Variants in PRR5L observed in about 807,000 individuals in gnomAD.
The protein encoded by PRR5L is proline-rich protein 5-like.
A neutral mutation model predicts 36.4 loss-of-function variants in PRR5L; 21 were observed. That is an observed-to-expected ratio of 0.58 (90% CI 0.41 to 0.83). PRR5L has a LOEUF of 0.83. PRR5L is among the 40% of genes least tolerant of loss of function. PRR5L has a pLI of 0.00. For missense variants in PRR5L, 381 were observed against 473.3 expected (o/e 0.80, Z 1.81); for synonymous variants, 188 against 197.0 (o/e 0.95, Z 0.38).
chr11:36,378,150 T>G (rs954084955), intron 1 of PRR5L, among the ~76,000 whole-genome samples: 7 of 152,262 alleles, frequency 4.6e-5, no homozygotes, highest in South Asian at 2.1e-4. Context: ...TAAATTGCTC[T>G]GGGGTGGAAG....
In PRR5L at chr11:36,462,335, C is replaced by T; in HGVS notation, c.713-7C>T. The T allele has an allele frequency of 2.0e-6, 3 of 1,489,966 alleles. No individual in the cohort carries two copies. Among genetic ancestry groups the T allele is most frequent in the South Asian group, 1.4e-5 (1 of 70,668 alleles). The allele number at this position is 1,489,966 out of a possible 1,614,324, so 92.3% of individuals were successfully genotyped here. On this transcript the variant is annotated splice_region_variant and splice_polypyrimidine_tract_variant and intron_variant, in intron 8 of 8. Coordinates refer to ENST00000530639, the MANE Select transcript of PRR5L (RefSeq NM_001160167.2). ...AATAACAGTCTTTGCTGATTTTTCT[C>T]TTGCAGCCAGGCGGCACTCCAGGGT...
At chr11:36,309,757 A>G (rs1856478811) in intron 1 of PRR5L, among the ~76,000 whole-genome samples, 1 of 147,590 alleles carries the variant, frequency 6.8e-6, no homozygotes. Context: ...GCCACAATTA[A>G]AGATTTTGTA....
At chr11:36,427,415 C>G (rs1359388553) in intron 4 of PRR5L, among the ~76,000 whole-genome samples, 1 of 152,016 alleles carries the variant, frequency 6.6e-6, no homozygotes, top group Non-Finnish European at 1.5e-5. Flanking sequence ...TTGGTGCCAT[C>G]AGGCAAGGAG....
At position 36,463,663 on chromosome 11, in the gene PRR5L, A is replaced by T. The variant is rs1245456351; in HGVS notation, c.*927A>T. The T allele has an allele frequency of 6.6e-6, 1 of 152,522 alleles. No individual in the cohort carries two copies. The highest frequency in any genetic ancestry group is 1.5e-5 in the Non-Finnish European group (1 of 68,022). 9.4% of individuals were successfully genotyped at this position (152,522 alleles called of 1,614,324 possible). Reference sequence around the variant, plus strand: ...ATCGTTTAAAAAAAAAAATGTTTGCAAATTTTGCACATAGGATCTTGCACT... The same window carrying T: ...ATCGTTTAAAAAAAAAAATGTTTGCTAATTTTGCACATAGGATCTTGCACT... On this transcript the variant is annotated 3_prime_UTR_variant, in exon 9 of 9. Coordinates refer to ENST00000530639, the MANE Select transcript of PRR5L (RefSeq NM_001160167.2).
In PRR5L at chr11:36,462,562, C is replaced by A; in HGVS notation, c.933C>A (p.Gly311=). 6.2e-7 allele frequency: 1 copy of A among 1,612,570 alleles called. No individual in the cohort carries two copies. Among genetic ancestry groups the A allele is most frequent in the South Asian group, 1.1e-5 (1 of 90,884 alleles). The change falls in exon 9 of 9, where the codon GGC becomes GGA. Residue 311 remains glycine (G), a synonymous_variant. Transcript: ENST00000530639. ...CCATGGCCACCATGATGCACTCGGG[C>A]CTGGGGGAGGAGGCCAGCAGTGAGA... ...LLAMATMMHS[G]LGEEASSENK... is the part of the protein sequence containing the mutation.
rs1554989613 is a variant in PRR5L, at chr11:36,374,107, T to TTCCTTC, written c.-125-26890_-125-26889insTCCTTC. Among the ~76,000 whole-genome samples, 33 of 90,538 alleles carry TTCCTTC rather than the reference T, an allele frequency of 3.6e-4. 1 individual carries two copies. The highest frequency in any genetic ancestry group is 1.1e-3 in the East Asian group (3 of 2,614). The allele number at this position is 90,538 out of a possible 152,430, so 59.4% of individuals were successfully genotyped here. On this transcript the variant is annotated intron_variant, in intron 1 of 8. Transcript: ENST00000530639. ...CTTCCTTCCTTCCTTCCTTCCTTCC[T>TTCCTTC]CTCTCTCTCTCTCTCTTTCTTTCTT...
intron 4 of PRR5L, among the ~76,000 whole-genome samples, chr11:36,427,350 G>A (rs1423996181): frequency 6.6e-6 from 1 of 152,054 alleles, no homozygotes; most frequent in Non-Finnish European, 1.5e-5. Flanking sequence ...TTCCTGGGTG[G>A]TTACTATTTA....
chr11:36,429,696 G>C (rs1189040438), intron 4 of PRR5L, among the ~76,000 whole-genome samples: 2 of 152,162 alleles, frequency 1.3e-5, no homozygotes, highest in Admixed American at 6.5e-5. Context: ...TGACATTTAG[G>C]AGCCCATGCA....
At chr11:36,448,293 A>G (rs570191247) in intron 7 of PRR5L, among the ~76,000 whole-genome samples, 2 of 152,088 alleles carry the variant, frequency 1.3e-5, no homozygotes, top group Non-Finnish European at 2.9e-5. Flanking sequence ...TTTGCTCTCC[A>G]TGGGACGGCC....
At chr11:36,306,489 G>A (rs1005101844) in intron 1 of PRR5L, among the ~76,000 whole-genome samples, 2 of 152,108 alleles carry the variant, frequency 1.3e-5, no homozygotes, top group Non-Finnish European at 2.9e-5. Flanking sequence ...TGTCATTGAT[G>A]GACATTTGGG....
intron 1 of PRR5L, chr11:36,376,197 G>A (rs1857255676): frequency 7.7e-7 from 1 of 1,301,908 alleles, no homozygotes; most frequent in South Asian, 1.2e-5. Context: ...CCCCAGCAGG[G>A]TGAGAGTTGC....
intron 1 of PRR5L, among the ~76,000 whole-genome samples, chr11:36,316,189 T>C (rs1052363476): frequency 2.6e-5 from 4 of 152,184 alleles, no homozygotes; most frequent in Non-Finnish European, 4.4e-5. Context: ...AACACTGCCA[T>C]TGTAGGGCAA....
intron 3 of PRR5L, among the ~76,000 whole-genome samples, chr11:36,406,788 C>A (rs1435073078): frequency 1.3e-4 from 20 of 152,144 alleles, no homozygotes; most frequent in Non-Finnish European, 2.9e-4. Flanking sequence ...AGTTCTTCAG[C>A]CCATTTTTCA....
In PRR5L at chr11:36,351,553, ATT is replaced by A. The variant is rs1386710135; in HGVS notation, c.-125-49442_-125-49441del. 7.6e-3 allele frequency among the ~76,000 whole-genome samples: 34 copies of A among 4,490 alleles called. 6 individuals are homozygous for A. Among genetic ancestry groups the A allele is most frequent in the South Asian group, 0.027 (4 of 150 alleles). 2.9% of individuals were successfully genotyped at this position (4,490 alleles called of 152,430 possible). A position where few individuals can be genotyped will look rare whatever the true frequency, so the allele number is the denominator to read the frequency against. On this transcript the variant is annotated intron_variant, in intron 1 of 8. Transcript: ENST00000530639. ...TTTATATAAATATATATTTATATATATTTATATATTTATATATTTATATAAAT... is the reference window on the plus strand; with the variant it reads ...TTTATATAAATATATATTTATATATATATATATTTATATATTTATATAAAT...
chr11:36,449,700 G>T (rs943440268), intron 7 of PRR5L, among the ~76,000 whole-genome samples: 1 of 152,068 alleles, frequency 6.6e-6, no homozygotes, highest in Non-Finnish European at 1.5e-5. Flanking sequence ...AATGATTTTT[G>T]AACACGAGGC....
At chr11:36,439,377 A>G (rs1046315647) in intron 6 of PRR5L, among the ~76,000 whole-genome samples, 2 of 152,160 alleles carry the variant, frequency 1.3e-5, no homozygotes, top group East Asian at 3.9e-4. Flanking sequence ...GCAGGAGCCC[A>G]GACATGTGGG....
intron 6 of PRR5L, among the ~76,000 whole-genome samples, chr11:36,446,020 G>A (rs746271505): frequency 4.6e-5 from 7 of 152,024 alleles, no homozygotes; most frequent in South Asian, 2.1e-4. Context: ...TCTCTCCTTC[G>A]TGACCACTCA....
At chr11:36,350,956 A>ATATTTATG (rs1172505688) in intron 1 of PRR5L, among the ~76,000 whole-genome samples, 3 of 90,112 alleles carry the variant, frequency 3.3e-5, no homozygotes, top group African/African-American at 1.5e-4. Flanking sequence ...ATATATTTAT[A>ATATTTATG]TATATTTATA....
At position 36,332,122 on chromosome 11, in the gene PRR5L, C is replaced by T. The variant is rs568465976; in HGVS notation, c.-126+35684C>T. Among the ~76,000 whole-genome samples, 6 of 152,040 alleles carry T rather than the reference C, an allele frequency of 3.9e-5. No individual in the cohort carries two copies. The East Asian group carries it at 9.6e-4, about 24-fold the overall frequency. On this transcript the variant is annotated intron_variant, in intron 1 of 8. Coordinates refer to ENST00000530639, the MANE Select transcript of PRR5L (RefSeq NM_001160167.2). The stretch of plus-strand genomic sequence containing the variant: ...TATTTAAGTCCTTTAATTTTTATCC[C>T]CCCTGGATTTGAAGTTAAAAGGAGG...
Sources: allele counts gnomAD v4.1 joint callset (sites outside exome capture counted in the v4.1 genomes callset), GRCh38; gene constraint gnomAD v4.1.1; transcripts MANE v1.5; gene names NCBI Gene and HGNC (gene_info 2026-07-23, HGNC 2026-07-21).